The following CACNA2D4 variants were observed in gnomAD, a reference collection of about 807,000 sequenced individuals.
CACNA2D4 encodes the protein calcium voltage-gated channel auxiliary subunit alpha2delta 4.
In CACNA2D4, 157 loss-of-function variants were observed where a neutral mutation model predicts 163.8. The observed-to-expected ratio is 0.96, with a 90% confidence interval of 0.84 to 1.09. CACNA2D4 has a LOEUF of 1.09. Ranked by LOEUF, CACNA2D4 falls within the 50% of genes least tolerant of loss-of-function variation. CACNA2D4 has a pLI of 0.00. For missense variants in CACNA2D4, 1,410 were observed against 1,479.9 expected (o/e 0.95, Z 0.78); for synonymous variants, 598 against 586.9 (o/e 1.02, Z -0.27).
intron 3 of CACNA2D4, 150 bp from the exon 4 acceptor site, chr12:1,910,115 G>C (rs1866778706): frequency 7.0e-6 from 5 of 709,776 alleles, no homozygotes; most frequent in Non-Finnish European, 1.0e-5. Flanking sequence ...CAAGAACTTA[G>C]GAACGAATAT....
chr12:1,800,691 A>G (rs1209868744), intron 31 of CACNA2D4: 12 of 594,572 alleles, frequency 2.0e-5, no homozygotes, highest in Non-Finnish European at 3.3e-5. Flanking sequence ...ATGCCCCTCC[A>G]GGAGACGAGT....
chr12:1,880,347 C>T (rs1192170927), intron 13 of CACNA2D4, among the ~76,000 whole-genome samples: 1 of 152,268 alleles, frequency 6.6e-6, no homozygotes, highest in African/African-American at 2.4e-5. Flanking sequence ...GAAACACAAG[C>T]ACACCCCGAG....
rs1360465208 is a variant in CACNA2D4 at position 1,883,701 on chromosome 12, C to T, written c.1351+542G>A. ...GACTTGGAGAGTGCCTCCCCCATGG[C>T]CCCCGGCACCCTGAACAGTCTGTGT... On this transcript the variant is annotated intron_variant, in intron 12 of 37. Transcript: ENST00000382722. This position sits in a 1 kb window ranked among gnomAD's most constrained non-coding sequence, Gnocchi z 4.5. 6.6e-6 allele frequency among the ~76,000 whole-genome samples: 1 copy of T among 152,116 alleles called. No homozygotes were observed.
intron 6 of CACNA2D4, among the ~76,000 whole-genome samples, chr12:1,906,531 T>C (rs1866662228): frequency 6.6e-6 from 1 of 152,202 alleles, no homozygotes; most frequent in Non-Finnish European, 1.5e-5. Context: ...GACTGATGCG[T>C]TCACATCTGG....
chr12:1,860,940 TACTTC>T (rs886752336), intron 18 of CACNA2D4, among the ~76,000 whole-genome samples: 5 of 152,224 alleles, frequency 3.3e-5, no homozygotes, highest in Admixed American at 6.5e-5. Flanking sequence ...TTGAGCAAGT[TACTTC>T]ACTTCGAGTT....
Position 1,811,719 on chromosome 12 carries a change from C to A in CACNA2D4, c.2556G>T (p.Ala852=), listed in dbSNP as rs779248650. 81 of 1,558,564 alleles carry A rather than the reference C, an allele frequency of 5.2e-5. No homozygotes were observed. The highest frequency in any genetic ancestry group is 6.5e-5 in the Non-Finnish European group (75 of 1,150,824). ...VDKRTAIAAA[A]GVQMKLEFLQ... is the part of the protein sequence containing the mutation. ...GGAATTCCAGCTTCATTTGGACGCC[C>A]GCGGCTACAGGGCAGAAAGAGAGAG... The change falls in exon 27 of 38, where the codon GCG becomes GCT. Residue 852 remains alanine (A), a synonymous_variant. Coordinates refer to ENST00000382722, the MANE Select transcript of CACNA2D4 (RefSeq NM_172364.5).
At position 1,875,433 on chromosome 12, in the gene CACNA2D4, G is replaced by T; in HGVS notation, c.1720-96C>A. 1 of 803,722 alleles carries T rather than the reference G, an allele frequency of 1.2e-6. No homozygotes were observed. The highest frequency in any genetic ancestry group is 2.2e-6 in the Non-Finnish European group (1 of 459,402). The allele number at this position is 803,722 out of a possible 1,614,324, so 49.8% of individuals were successfully genotyped here. A position where few individuals can be genotyped will look rare whatever the true frequency, so the allele number is the denominator to read the frequency against. ...AAGCCTTTCAGGTATATTCATAAAA[G>T]CAAAGGATTCCTTAGAAATCAATCA... On this transcript the variant is annotated intron_variant, in intron 16 of 37. Transcript: ENST00000382722. The surrounding 1 kb of genome is among the most constrained non-coding windows in gnomAD (Gnocchi z 4.0).
In CACNA2D4 at chr12:1,882,891, C is replaced by T. The variant is rs1555185275; in HGVS notation, c.1461G>A (p.Trp487Ter). ...MVINHDHDII[W>*]TEAYMDSKLL... The stretch of plus-strand genomic sequence containing the variant: ...CCTTGCTGTCCATGTAGGCCTCTGT[C>T]CAGATGATGTCGTGGTCGTGGTTGA... Residue 487 changes from tryptophan (W) to a stop codon, truncating the protein, a stop_gained, in exon 13 of 38, where the codon TGG (tryptophan) becomes TGA (stop). Coordinates refer to ENST00000382722, the MANE Select transcript of CACNA2D4 (RefSeq NM_172364.5). LOFTEE classifies it high-confidence loss of function. 1 of 1,613,820 alleles carries T rather than the reference C, an allele frequency of 6.2e-7. No homozygotes were observed. Among genetic ancestry groups the T allele is most frequent in the Non-Finnish European group, 8.5e-7 (1 of 1,179,832 alleles).
At chr12:1,810,199 C>G in intron 29 of CACNA2D4, 79 bp downstream of exon 29, 3 of 1,255,348 alleles carry the variant, frequency 2.4e-6, no homozygotes, top group East Asian at 2.3e-5. Flanking sequence ...GTGGGGCTCT[C>G]TTTAGCTGGA....
chr12:1,886,533 T>C (rs2906893), intron 7 of CACNA2D4, among the ~76,000 whole-genome samples, 160 bp from the exon 8 acceptor site: 121,652 of 152,158 alleles, frequency 0.8, 48,850 homozygotes, highest in African/African-American at 0.86. Context: ...CATAACCACT[T>C]GACACAGTGC....
At chr12:1,853,580 A>G (rs945554322) in intron 23 of CACNA2D4, among the ~76,000 whole-genome samples, 1 of 152,092 alleles carries the variant, frequency 6.6e-6, no homozygotes, top group African/African-American at 2.4e-5. Context: ...CCAGGCCACT[A>G]AACACAATAG....
chr12:1,795,742 A>G lies in CACNA2D4; in HGVS notation c.3152T>C (p.Leu1051Pro), dbSNP rs1592644023. 6.8e-6 allele frequency: 11 copies of G among 1,613,330 alleles called. No homozygotes were observed. Among genetic ancestry groups the G allele is most frequent in the Non-Finnish European group, 9.3e-6 (11 of 1,179,554 alleles). The change falls in exon 36 of 38, where the codon CTC (leucine) becomes CCC (proline). Residue 1051 changes from leucine to proline, a missense_variant. By Grantham distance (98) the Leu-to-Pro change is moderately conservative. Coordinates refer to ENST00000382722, the MANE Select transcript of CACNA2D4 (RefSeq NM_172364.5). Reference sequence around the variant, plus strand: ...ACAGGTGGGGTCTGTCACCAGGAGGAGGAGGTTACTGTTGGGAATCTGCTG... The same window carrying G: ...ACAGGTGGGGTCTGTCACCAGGAGGGGGAGGTTACTGTTGGGAATCTGCTG... ...VVQQIPNSNL[L>P]LLVTDPTCDC... is the part of the protein sequence containing the mutation.
At chr12:1,824,755 C>T (rs927360609) in intron 26 of CACNA2D4, among the ~76,000 whole-genome samples, 2 of 152,236 alleles carry the variant, frequency 1.3e-5, no homozygotes, top group African/African-American at 4.8e-5. Flanking sequence ...CTCCACTCTT[C>T]TGGGGGTGGG....
intron 22 of CACNA2D4, among the ~76,000 whole-genome samples, chr12:1,855,394 A>G (rs755595088): frequency 6.6e-6 from 1 of 152,172 alleles, no homozygotes; most frequent in African/African-American, 2.4e-5. Flanking sequence ...AAAGAGGAAG[A>G]AGGAGGAGCA....
At chr12:1,888,889 C>T (rs1476535412) in intron 6 of CACNA2D4, among the ~76,000 whole-genome samples, 4 of 152,222 alleles carry the variant, frequency 2.6e-5, no homozygotes, top group Admixed American at 2.6e-4. Flanking sequence ...GTATCCCAAA[C>T]AGCATGAATA....
Position 1,844,370 on chromosome 12 carries a change from C to G in CACNA2D4, c.2470+32G>C. 6.2e-7 allele frequency: 1 copy of G among 1,609,596 alleles called. No homozygotes were observed. The highest frequency in any genetic ancestry group is 8.5e-7 in the Non-Finnish European group (1 of 1,177,828). ...AGAGATGAGACTGGCCTGAGACTGG[C>G]CCAGCCCCGGGAGCACCGGGCTGTG... On this transcript the variant is annotated intron_variant, in intron 25 of 37. Coordinates refer to ENST00000382722, the MANE Select transcript of CACNA2D4 (RefSeq NM_172364.5). The surrounding 1 kb of genome is among the most constrained non-coding windows in gnomAD (Gnocchi z 4.2).
rs1867054516 is a variant in CACNA2D4, at chr12:1,918,496, A to G, written c.-23T>C. 2 of 1,541,774 alleles carry G rather than the reference A, an allele frequency of 1.3e-6. No homozygotes were observed. Among genetic ancestry groups the G allele is most frequent in the Non-Finnish European group, 8.8e-7 (1 of 1,140,304 alleles). ...CATGAGCTCTGTCTGCCTTCCTCCC[A>G]GACCCCAGGACGCCCCAGGCCTTTG... On this transcript the variant is annotated 5_prime_UTR_variant, in exon 1 of 38. Coordinates refer to ENST00000382722, the MANE Select transcript of CACNA2D4 (RefSeq NM_172364.5).
intron 23 of CACNA2D4, among the ~76,000 whole-genome samples, chr12:1,852,642 T>C (rs1865309252): frequency 6.6e-6 from 1 of 152,356 alleles, no homozygotes; most frequent in Non-Finnish European, 1.5e-5. Context: ...TTCTGAAGCA[T>C]GCTCTGGTTA....
In CACNA2D4 at chr12:1,801,717, C is replaced by G. The variant is rs1275304649; in HGVS notation, c.2722-73G>C. On this transcript the variant is annotated intron_variant, in intron 29 of 37. Coordinates refer to ENST00000382722, the MANE Select transcript of CACNA2D4 (RefSeq NM_172364.5). ...AGGATGGAGCCTTCCGAGTCCAGCACTATTTATTCAGCTCAGGTCGAGGCT... is the reference window on the plus strand; with the variant it reads ...AGGATGGAGCCTTCCGAGTCCAGCAGTATTTATTCAGCTCAGGTCGAGGCT... The G allele has an allele frequency of 2.2e-5, 23 of 1,056,560 alleles. 1 individual carries two copies. In the South Asian group the frequency reaches 3.0e-4, roughly 14 times the overall value. 65.4% of individuals were successfully genotyped at this position (1,056,560 alleles called of 1,614,324 possible). A position where few individuals can be genotyped will look rare whatever the true frequency, so the allele number is the denominator to read the frequency against.
Sources: gnomAD v4.1 joint callset for allele counts (sites outside exome capture counted in the v4.1 genomes callset) on GRCh38, gnomAD v4.1.1 for gene constraint, Gnocchi (gnomAD v3.1) non-coding constraint, MANE v1.5 for transcripts, NCBI Gene and HGNC (gene_info 2026-07-23, HGNC 2026-07-21) for gene names.